ZNF506: variants seen among roughly 807,000 people sequenced by gnomAD.
ZNF506 encodes zinc finger protein 506.
Under a neutral mutation model 11.6 loss-of-function variants are expected in ZNF506, and 10 were observed. That is an observed-to-expected ratio of 0.86 (90% confidence interval 0.53 to 1.46). The LOEUF (loss-of-function observed/expected upper bound fraction) is 1.46, where lower values mean the gene tolerates loss of function less well. ZNF506 is among the 40% of genes most tolerant of loss of function. ZNF506 has a pLI of 0.00. For synonymous variants in ZNF506, 156 were observed against 173.3 expected (o/e 0.90, Z 0.78); for missense variants, 425 against 521.2 (o/e 0.82, Z 1.80).
At chr19:19,800,814 A>G (rs1206621475) in intron 3 of ZNF506, among the ~76,000 whole-genome samples, 2 of 152,228 alleles carry the variant, frequency 1.3e-5, no homozygotes, top group Non-Finnish European at 2.9e-5. Flanking sequence ...TCATAAATAA[A>G]TAGATGTTGA....
Position 19,795,084 on chromosome 19 carries a change from T to C in ZNF506, c.803A>G (p.His268Arg). The C allele has an allele frequency of 6.2e-7, 1 of 1,613,438 alleles. No individual in the cohort carries two copies. The part of the protein sequence containing the change: ...RCRECGKAFN[H>R]PATLFSHKKI... ...CTTATGTGAAAAAAGGGTTGCAGGG[T>C]GGTTAAAAGCTTTGCCACATTCTCT... is the stretch of plus-strand genomic sequence containing the variant. The change falls in exon 4 of 4, where the codon CAC (histidine) becomes CGC (arginine). Residue 268 changes from histidine (H) to arginine (R), a missense_variant. Coordinates refer to ENST00000540806, the MANE Select transcript of ZNF506 (RefSeq NM_001099269.3).
At chr19:19,817,204 C>T (rs2062939524) in intron 1 of ZNF506, among the ~76,000 whole-genome samples, 1 of 152,102 alleles carries the variant, frequency 6.6e-6, no homozygotes. Flanking sequence ...CATTTTATGT[C>T]CCTCCTAAGA....
intron 2 of ZNF506, 97 bp from the exon 3 acceptor site, chr19:19,806,223 G>C (rs2062835073): frequency 1.2e-6 from 1 of 859,988 alleles, no homozygotes; most frequent in East Asian, 3.5e-5. Context: ...AAGTATTCTA[G>C]TAAATTAATA....
chr19:19,793,943 T>A lies in ZNF506; in HGVS notation c.*609A>T, dbSNP rs1599503369. 6.6e-6 allele frequency: 1 copy of A among 152,596 alleles called. No homozygotes were observed. The highest frequency in any genetic ancestry group is 1.5e-5 in the Non-Finnish European group (1 of 68,260). The allele number at this position is 152,596 out of a possible 1,614,324, so 9.5% of individuals were successfully genotyped here. The stretch of plus-strand genomic sequence containing the variant: ...TGTATACAAAAGTTGGAGGTGGTGG[T>A]AAAAGCACTGTTGCATCTTTCAGGT... On this transcript the variant is annotated 3_prime_UTR_variant, in exon 4 of 4. Transcript: ENST00000540806.
At position 19,794,507 on chromosome 19, in the gene ZNF506, C is replaced by T. The variant is rs757072280; in HGVS notation, c.*45G>A. 3.9e-6 allele frequency: 6 copies of T among 1,535,378 alleles called. No individual in the cohort carries two copies. In the East Asian group the frequency reaches 1.3e-4, roughly 35 times the overall value. Reference sequence around the variant, plus strand: ...GTCAGAGTCCAGGGCTAGTTAAAGGCTTTCCCACATTCATCACATTCATAC... The same window carrying T: ...GTCAGAGTCCAGGGCTAGTTAAAGGTTTTCCCACATTCATCACATTCATAC... On this transcript the variant is annotated 3_prime_UTR_variant, in exon 4 of 4. Transcript: ENST00000540806.
At chr19:19,815,204 G>C (rs1389215254) in intron 1 of ZNF506, among the ~76,000 whole-genome samples, 1 of 152,232 alleles carries the variant, frequency 6.6e-6, no homozygotes, top group African/African-American at 2.4e-5. Flanking sequence ...AGCCTGCAGT[G>C]AGCCGAGATC....
chr19:19,806,879 AC>A, intron 2 of ZNF506, 62 bp downstream of exon 2: 1 of 1,553,376 alleles, frequency 6.4e-7, no homozygotes, highest in Non-Finnish European at 8.7e-7. Context: ...AAAACATTCT[AC>A]AAAAAAGAGA....
At chr19:19,807,868 A>T (rs1362397845) in intron 1 of ZNF506, among the ~76,000 whole-genome samples, 1 of 151,856 alleles carries the variant, frequency 6.6e-6, no homozygotes, top group East Asian at 1.9e-4. Flanking sequence ...CCAAAAGGAT[A>T]TTTTTTCAAA....
intron 1 of ZNF506, 93 bp from the exon 2 acceptor site, chr19:19,807,161 G>A: frequency 1.3e-6 from 2 of 1,581,950 alleles, no homozygotes; most frequent in African/African-American, 1.4e-5. Context: ...AAGAGAAGTG[G>A]TTCTGACTTA....
chr19:19,796,156 C>A (rs2062738683), intron 3 of ZNF506: 1 of 158,432 alleles, frequency 6.3e-6, no homozygotes, highest in Admixed American at 6.4e-5. Context: ...GTAACAGATA[C>A]CTGTAATCCA....
At chr19:19,809,784 T>G (rs1231714845) in intron 1 of ZNF506, among the ~76,000 whole-genome samples, 3 of 151,740 alleles carry the variant, frequency 2.0e-5, no homozygotes, top group African/African-American at 7.3e-5. Context: ...CCCTACCAAG[T>G]CAAAACAGAA....
intron 1 of ZNF506, among the ~76,000 whole-genome samples, chr19:19,819,601 T>C (rs2062954874): frequency 6.6e-6 from 1 of 152,122 alleles, no homozygotes; most frequent in African/African-American, 2.4e-5. Flanking sequence ...GAAGGTTGGC[T>C]GAGGACACAT....
intron 1 of ZNF506, 56 bp downstream of exon 1, chr19:19,821,541 TCCTC>T: frequency 6.2e-7 from 1 of 1,612,352 alleles, no homozygotes; most frequent in African/African-American, 1.3e-5. Context: ...CACAGCCACT[TCCTC>T]CCCAGTTCCA....
At chr19:19,808,813 T>G (rs917427473) in intron 1 of ZNF506, among the ~76,000 whole-genome samples, 4 of 128,936 alleles carry the variant, frequency 3.1e-5, no homozygotes, top group African/African-American at 1.2e-4. Flanking sequence ...ACTATACCCC[T>G]GGCCTTGGTG....
chr19:19,793,184 TAA>T lies in ZNF506; in HGVS notation c.*1366_*1367del, dbSNP rs1175348193. ...ACAATGCTTCAGAAAATCTCCCTTTTAAAGTTATATACAAAAACAGCTTTAGT... is the reference window on the plus strand; with the variant it reads ...ACAATGCTTCAGAAAATCTCCCTTTTAGTTATATACAAAAACAGCTTTAGT... On this transcript the variant is annotated 3_prime_UTR_variant, in exon 4 of 4. Transcript: ENST00000540806. 6.6e-6 allele frequency among the ~76,000 whole-genome samples: 1 copy of T among 152,186 alleles called. No homozygotes were observed. The highest frequency in any genetic ancestry group is 1.5e-5 in the Non-Finnish European group (1 of 68,010).
chr19:19,794,371 G>A lies in ZNF506; in HGVS notation c.*181C>T. 1 of 617,946 alleles carries A rather than the reference G, an allele frequency of 1.6e-6. No individual in the cohort carries two copies. Among genetic ancestry groups the A allele is most frequent in the Non-Finnish European group, 2.7e-6 (1 of 368,378 alleles). 38.3% of individuals were successfully genotyped at this position (617,946 alleles called of 1,614,324 possible). A position where few individuals can be genotyped will look rare whatever the true frequency, so the allele number is the denominator to read the frequency against. On this transcript the variant is annotated 3_prime_UTR_variant, in exon 4 of 4. Coordinates refer to ENST00000540806, the MANE Select transcript of ZNF506 (RefSeq NM_001099269.3). ...TTGCCATATTCTTCACACTTGTAGG[G>A]TTTCTGTCCAGTATAAATTATGTGT...
At chr19:19,814,538 G>A (rs1423517632) in intron 1 of ZNF506, among the ~76,000 whole-genome samples, 1 of 152,038 alleles carries the variant, frequency 6.6e-6, no homozygotes, top group Non-Finnish European at 1.5e-5. Flanking sequence ...CTGAGGCCTA[G>A]TTGAGGGTGG....
At chr19:19,819,898 A>G (rs1156351206) in intron 1 of ZNF506, among the ~76,000 whole-genome samples, 1 of 152,132 alleles carries the variant, frequency 6.6e-6, no homozygotes, top group Non-Finnish European at 1.5e-5. Context: ...AGAGATAGAG[A>G]CCACCCTGGC....
intron 1 of ZNF506, 113 bp from the exon 2 acceptor site, chr19:19,807,181 A>G: frequency 6.6e-7 from 1 of 1,508,908 alleles, no homozygotes; most frequent in Non-Finnish European, 8.9e-7. Context: ...ATAGGACTAA[A>G]ATTATCCAAT....
Sources: gnomAD v4.1 joint callset for allele counts (sites outside exome capture counted in the v4.1 genomes callset) on GRCh38, gnomAD v4.1.1 for gene constraint, MANE v1.5 for transcripts, NCBI Gene and HGNC (gene_info 2026-07-23, HGNC 2026-07-21) for gene names.